MYRIP: variants seen among roughly 807,000 people sequenced by gnomAD.
MYRIP encodes the protein rab effector MyRIP.
Under a neutral mutation model 98.0 loss-of-function variants are expected in MYRIP, and 49 were observed. That is an observed-to-expected ratio of 0.50 (90% confidence interval 0.40 to 0.63). MYRIP has a LOEUF of 0.63. Among genes scored for constraint, MYRIP ranks in the 30% least tolerant of loss-of-function variants. The probability of loss-of-function intolerance (pLI) is 0.00; values close to 1 mark genes in which losing one functional copy is unlikely to be tolerated. For synonymous variants in MYRIP, 404 were observed against 409.5 expected, an observed-to-expected ratio of 0.99 and a Z score of 0.16; for missense variants, 1,004 against 1,058.2, an observed-to-expected ratio of 0.95 and a Z score of 0.71.
Position 40,182,225 on chromosome 3 carries a change from C to A in MYRIP, c.879C>A (p.Ser293=). ...CCCCTCTTTCCTTTCCACAGAGGTC[C>A]CAGTCTGCCTTCTCAATCACTGGAG... The part of the protein sequence containing the change: ...GYRAPAALWR[S]QSAFSITGEE... The change falls in exon 9 of 17, where the codon TCC becomes TCA. Residue 293 remains serine, a synonymous_variant. Transcript: ENST00000302541. 1 of 1,608,466 alleles carries A rather than the reference C, an allele frequency of 6.2e-7. No individual in the cohort carries two copies. Among genetic ancestry groups the A allele is most frequent in the Non-Finnish European group, 8.5e-7 (1 of 1,177,298 alleles).
intron 1 of MYRIP, among the ~76,000 whole-genome samples, chr3:39,852,929 C>T (rs1007491726): frequency 3.9e-5 from 6 of 152,086 alleles, no homozygotes; most frequent in African/African-American, 4.8e-5. Context: ...TACAGGCATG[C>T]GCCACCACAC....
chr3:40,159,568 T>A (rs1950330348), intron 4 of MYRIP, among the ~76,000 whole-genome samples: 1 of 151,938 alleles, frequency 6.6e-6, no homozygotes. Context: ...GAAGTTCTCC[T>A]GGATAATATC....
chr3:39,980,389 CA>C (rs1424593256), intron 2 of MYRIP, among the ~76,000 whole-genome samples: 2 of 152,144 alleles, frequency 1.3e-5, no homozygotes, highest in Non-Finnish European at 2.9e-5. Context: ...CCCATAAGGC[CA>C]AAGGCAGTTT....
chr3:40,003,516 A>C (rs1006008523), intron 2 of MYRIP, among the ~76,000 whole-genome samples: 1 of 152,202 alleles, frequency 6.6e-6, no homozygotes, highest in African/African-American at 2.4e-5. Context: ...GGTATTAGAA[A>C]TCCAATAGGC....
At chr3:40,219,647 C>T (rs1212330216) in intron 11 of MYRIP, among the ~76,000 whole-genome samples, 1 of 152,096 alleles carries the variant, frequency 6.6e-6, no homozygotes, top group African/African-American at 2.4e-5. Context: ...ATCCATGTCC[C>T]TACAAAGGAA....
At chr3:40,066,533 T>G (rs2125854300) in intron 3 of MYRIP, among the ~76,000 whole-genome samples, 1 of 152,354 alleles carries the variant, frequency 6.6e-6, no homozygotes, top group Non-Finnish European at 1.5e-5. Context: ...GTCTATGACT[T>G]AAAACTCCTG....
chr3:39,841,787 G>C (rs1443690734), intron 1 of MYRIP, among the ~76,000 whole-genome samples: 1 of 152,200 alleles, frequency 6.6e-6, no homozygotes, highest in African/African-American at 2.4e-5. Flanking sequence ...ACCAGCAGAG[G>C]CTGCAGAACA....
At position 40,030,479 on chromosome 3, in the gene MYRIP, T is replaced by C. The variant is rs576333741; in HGVS notation, c.111-13571T>C. ...AAAGTGTTACTATGTGACCTACCAA[T>C]TCTACTCCTATAATTAAAAATACAC... On this transcript the variant is annotated intron_variant, in intron 2 of 16. Coordinates refer to ENST00000302541, the MANE Select transcript of MYRIP (RefSeq NM_015460.4). Among the ~76,000 whole-genome samples, 164 of 152,260 alleles carry C rather than the reference T, an allele frequency of 1.1e-3. 1 individual carries two copies. The highest frequency in any genetic ancestry group is 3.7e-3 in the African/African-American group (154 of 41,550).
At chr3:40,241,297 A>G (rs911441860) in intron 12 of MYRIP, among the ~76,000 whole-genome samples, 2 of 152,182 alleles carry the variant, frequency 1.3e-5, no homozygotes, top group African/African-American at 4.8e-5. Flanking sequence ...CAGCTCTGCC[A>G]CTGAATCCAG....
intron 3 of MYRIP, among the ~76,000 whole-genome samples, chr3:40,100,459 G>C (rs543177534): frequency 6.6e-6 from 1 of 152,294 alleles, no homozygotes; most frequent in South Asian, 2.1e-4. Context: ...AATCATAAAG[G>C]AAGAGCATTT....
chr3:40,130,600 T>C (rs142182872), intron 3 of MYRIP, among the ~76,000 whole-genome samples: 4,845 of 151,918 alleles, frequency 0.032, 278 homozygotes, highest in African/African-American at 0.11. Context: ...CAGGATGGTC[T>C]CAATCTCCTG....
intron 13 of MYRIP, among the ~76,000 whole-genome samples, 192 bp from the exon 14 acceptor site, chr3:40,250,030 T>C (rs1382890212): frequency 2.0e-5 from 3 of 152,080 alleles, no homozygotes; most frequent in Non-Finnish European, 4.4e-5. Flanking sequence ...TTTAAACTTA[T>C]AAAGAAAGGC....
At chr3:40,166,730 G>A (rs951015787) in intron 5 of MYRIP, 116 bp from the exon 6 acceptor site, 1 of 700,008 alleles carries the variant, frequency 1.4e-6, no homozygotes, top group Admixed American at 2.4e-5. Context: ...GTGTGCCATG[G>A]TAAACAGCTT....
chr3:39,948,978 C>T (rs1045979150), intron 2 of MYRIP, among the ~76,000 whole-genome samples: 1 of 152,102 alleles, frequency 6.6e-6, no homozygotes, highest in South Asian at 2.1e-4. Flanking sequence ...GCAATAATAC[C>T]TTACATGTGC....
intron 3 of MYRIP, among the ~76,000 whole-genome samples, chr3:40,062,784 T>C (rs75227778): frequency 0.084 from 12,791 of 152,288 alleles, 618 homozygotes; most frequent in East Asian, 0.22. Flanking sequence ...ATATCTATTA[T>C]TGAAATGATC....
At chr3:39,843,260 CATA>C (rs1487141147) in intron 1 of MYRIP, among the ~76,000 whole-genome samples, 2 of 152,096 alleles carry the variant, frequency 1.3e-5, no homozygotes, top group African/African-American at 2.4e-5. Flanking sequence ...CTGAGCTGAG[CATA>C]ATAATTTATT....
chr3:40,027,016 C>A (rs1375300515), intron 2 of MYRIP, among the ~76,000 whole-genome samples: 2 of 152,124 alleles, frequency 1.3e-5, no homozygotes, highest in African/African-American at 4.8e-5. Context: ...TGATGACTTC[C>A]AAGCTCACTT....
chr3:39,842,132 C>A (rs1457639836), intron 1 of MYRIP, among the ~76,000 whole-genome samples: 1 of 152,180 alleles, frequency 6.6e-6, no homozygotes, highest in Non-Finnish European at 1.5e-5. Context: ...GGGGCTGCTG[C>A]CTTTCTTTTA....
At chr3:39,953,917 A>G (rs545690823) in intron 2 of MYRIP, among the ~76,000 whole-genome samples, 2 of 152,246 alleles carry the variant, frequency 1.3e-5, no homozygotes, top group East Asian at 3.9e-4. Flanking sequence ...TACTGCTAGC[A>G]CAGCCGTCTG....
Sources: gnomAD v4.1 joint callset for allele counts (sites outside exome capture counted in the v4.1 genomes callset) on GRCh38, gnomAD v4.1.1 for gene constraint, MANE v1.5 for transcripts, NCBI Gene and HGNC (gene_info 2026-07-23, HGNC 2026-07-21) for gene names.